Variants in ABR observed in about 807,000 individuals in gnomAD.
The protein encoded by ABR is ABR activator of RhoGEF and GTPase.
In ABR, 35 loss-of-function variants were observed where a neutral mutation model predicts 107.2. The observed-to-expected ratio is 0.33, with a 90% confidence interval of 0.25 to 0.43. The LOEUF (loss-of-function observed/expected upper bound fraction) is 0.43, where lower values mean the gene tolerates loss of function less well. ABR is among the 20% of genes least tolerant of loss of function. ABR has a pLI of 1.00. For missense variants in ABR, 815 were observed against 1,115.2 expected, an observed-to-expected ratio of 0.73 and a Z score of 3.83; for synonymous variants, 498 against 462.0, an observed-to-expected ratio of 1.08 and a Z score of -1.00.
chr17:1,020,089 CTT>C (rs34116299), intron 16 of ABR, among the ~76,000 whole-genome samples: 1 of 149,360 alleles, frequency 6.7e-6, no homozygotes, highest in Admixed American at 6.7e-5. Context: ...CTATTTCCTT[CTT>C]TTTTTTTTTT....
At position 1,078,696 on chromosome 17, in the gene ABR, G is replaced by C; in HGVS notation, c.700+634C>G. The C allele has an allele frequency of 9.2e-7, 1 of 1,083,034 alleles. No homozygotes were observed. Among genetic ancestry groups the C allele is most frequent in the Admixed American group, 2.4e-5 (1 of 41,312 alleles). 67.1% of individuals were successfully genotyped at this position (1,083,034 alleles called of 1,614,324 possible). On this transcript the variant is annotated intron_variant, in intron 6 of 22. Transcript: ENST00000302538. This position sits in a 1 kb window ranked among gnomAD's most constrained non-coding sequence, Gnocchi z 7.5. ...ACGAAGGGGGAATTCAGGTCCAGCCGCTCGCCCACCCTCCTTCCCTGCGGC... is the reference window on the plus strand; with the variant it reads ...ACGAAGGGGGAATTCAGGTCCAGCCCCTCGCCCACCCTCCTTCCCTGCGGC...
chr17:1,129,541 A>G (rs1421895953), intron 1 of ABR, among the ~76,000 whole-genome samples: 1 of 152,196 alleles, frequency 6.6e-6, no homozygotes, highest in East Asian at 1.9e-4. Flanking sequence ...CAAAAAAACA[A>G]AAACAAAAAC....
Position 1,011,831 on chromosome 17 carries a change from G to T in ABR, c.2101+15C>A. 4 of 1,558,154 alleles carry T rather than the reference G, an allele frequency of 2.6e-6. No individual in the cohort carries two copies. The highest frequency in any genetic ancestry group is 2.6e-6 in the Non-Finnish European group (3 of 1,144,706). Reference sequence around the variant, plus strand: ...ACACAGCCACACCTGCCCCGGCTGGGCCTCCCAGACTCACTGGCATCGAAG... The same window carrying T: ...ACACAGCCACACCTGCCCCGGCTGGTCCTCCCAGACTCACTGGCATCGAAG... On this transcript the variant is annotated intron_variant, in intron 19 of 22. Transcript: ENST00000302538. The surrounding 1 kb of genome is among the most constrained non-coding windows in gnomAD (Gnocchi z 4.8).
chr17:1,133,698 G>A (rs1312864125), intron 1 of ABR, among the ~76,000 whole-genome samples: 1 of 152,104 alleles, frequency 6.6e-6, no homozygotes, highest in Non-Finnish European at 1.5e-5. Context: ...GCGCTCTAGG[G>A]CACTGGCAGA....
At chr17:1,171,955 G>A (rs1353673525) in intron 1 of ABR, among the ~76,000 whole-genome samples, 1 of 152,046 alleles carries the variant, frequency 6.6e-6, no homozygotes. Context: ...AGAGGGGAGT[G>A]GCACCCGATT....
At position 1,058,878 on chromosome 17, in the gene ABR, T is replaced by C. The variant is rs1372294971; in HGVS notation, c.1183-11A>G. 2.5e-6 allele frequency: 4 copies of C among 1,613,956 alleles called. No homozygotes were observed. Among genetic ancestry groups the C allele is most frequent in the Non-Finnish European group, 2.5e-6 (3 of 1,179,872 alleles). On this transcript the variant is annotated splice_polypyrimidine_tract_variant and intron_variant, in intron 10 of 22. Transcript: ENST00000302538. ...GCCTTTGTTGGCTTTCTGCAGGAGA[T>C]GGGGACACAGAGGGTTCCCCTCACA...
chr17:1,033,844 C>A (rs1488273840), intron 16 of ABR, among the ~76,000 whole-genome samples: 1 of 152,146 alleles, frequency 6.6e-6, no homozygotes, highest in South Asian at 2.1e-4. Flanking sequence ...CTCCACCCCT[C>A]CTTCGCCTGC....
At chr17:1,178,975 G>A (rs889696657) in intron 1 of ABR, among the ~76,000 whole-genome samples, 1 of 151,882 alleles carries the variant, frequency 6.6e-6, no homozygotes, top group African/African-American at 2.4e-5. Context: ...AGATTTGGGA[G>A]CGAGGGGGTG....
upstream of ABR, among the ~76,000 whole-genome samples, chr17:1,180,949 C>T (rs1479987583): frequency 1.3e-5 from 2 of 152,180 alleles, no homozygotes; most frequent in Non-Finnish European, 2.9e-5. Context: ...GCTGAAGCCC[C>T]TTCCTGAACC....
At chr17:1,133,230 A>T (rs1358583057) in intron 1 of ABR, among the ~76,000 whole-genome samples, 1 of 148,990 alleles carries the variant, frequency 6.7e-6, no homozygotes, top group African/African-American at 2.4e-5. Flanking sequence ...CAGCAAGAGC[A>T]AAACTCCGTC....
chr17:1,124,563 C>T (rs913782605), intron 2 of ABR, among the ~76,000 whole-genome samples: 2 of 152,272 alleles, frequency 1.3e-5, no homozygotes, highest in African/African-American at 4.8e-5. Context: ...TGACAAGGAC[C>T]GCAAACCCTC....
rs187666967 is a variant in ABR, at chr17:1,157,546, C to T, written c.61+22121G>A. Among the ~76,000 whole-genome samples, 47 of 152,290 alleles carry T rather than the reference C, an allele frequency of 3.1e-4. No homozygotes were observed. Among genetic ancestry groups the T allele is most frequent in the Admixed American group, 2.3e-3 (35 of 15,300 alleles). ...GATTACAGGCGTGAGCCACCGCGCC[C>T]GACCTCAGTGCACACAGTTCTAACA... On this transcript the variant is annotated intron_variant, in intron 1 of 22. Transcript: ENST00000302538. The surrounding 1 kb of genome is among the most constrained non-coding windows in gnomAD (Gnocchi z 4.7).
At chr17:1,168,053 G>A (rs549419126) in intron 1 of ABR, among the ~76,000 whole-genome samples, 12 of 152,224 alleles carry the variant, frequency 7.9e-5, no homozygotes, top group Admixed American at 2.6e-4. Context: ...TTGGGAGGCC[G>A]AGGTGGGCAG....
chr17:1,079,695 A>C (rs1411140300), intron 5 of ABR, among the ~76,000 whole-genome samples: 1 of 142,528 alleles, frequency 7.0e-6, no homozygotes, highest in Non-Finnish European at 1.5e-5. Flanking sequence ...AGGCTGGGGC[A>C]GGAGAATCGC....
Position 1,010,494 on chromosome 17 carries a change from G to A in ABR, c.2236+235C>T. 1.8e-6 allele frequency: 1 copy of A among 556,924 alleles called. No individual in the cohort carries two copies. The highest frequency in any genetic ancestry group is 3.2e-6 in the Non-Finnish European group (1 of 315,458). The allele number at this position is 556,924 out of a possible 1,614,324, so 34.5% of individuals were successfully genotyped here. A position where few individuals can be genotyped will look rare whatever the true frequency, so the allele number is the denominator to read the frequency against. Reference sequence around the variant, plus strand: ...CCAACGTCCAAATAGGAAGCAGAAGGGGCTGCCCATGGGGACATCAGGGGC... The same window carrying A: ...CCAACGTCCAAATAGGAAGCAGAAGAGGCTGCCCATGGGGACATCAGGGGC... On this transcript the variant is annotated intron_variant, in intron 20 of 22. Transcript: ENST00000302538. The surrounding 1 kb of genome is among the most constrained non-coding windows in gnomAD (Gnocchi z 4.1).
At chr17:1,136,789 G>A (rs1008593060) in intron 1 of ABR, among the ~76,000 whole-genome samples, 2 of 152,166 alleles carry the variant, frequency 1.3e-5, no homozygotes, top group Non-Finnish European at 2.9e-5. Context: ...TCAGGGGAAC[G>A]TTGTGGCTGG....
intron 18 of ABR, 190 bp downstream of exon 18, chr17:1,012,498 G>C (rs72812088): frequency 2.9e-6 from 2 of 700,846 alleles, no homozygotes; most frequent in Non-Finnish European, 5.2e-6. Context: ...GTGCTGGCTC[G>C]CGTGCTTCTG....
chr17:1,152,314 G>A (rs183808954), intron 1 of ABR, among the ~76,000 whole-genome samples: 194 of 148,430 alleles, frequency 1.3e-3, no homozygotes, highest in African/African-American at 4.7e-3. Context: ...GGACAGGCTG[G>A]GCTGGTGGCT....
At chr17:1,018,294 G>C (rs112491006) in intron 16 of ABR, among the ~76,000 whole-genome samples, 7 of 152,138 alleles carry the variant, frequency 4.6e-5, no homozygotes, top group East Asian at 1.9e-4. Context: ...CGCCCACCTC[G>C]GCCTCCCAAA....
Sources: allele counts gnomAD v4.1 joint callset (sites outside exome capture counted in the v4.1 genomes callset), GRCh38; gene constraint gnomAD v4.1.1; non-coding constraint Gnocchi (gnomAD v3.1); transcripts MANE v1.5; gene names NCBI Gene and HGNC (gene_info 2026-07-23, HGNC 2026-07-21).